PCLO: variants seen among roughly 807,000 people sequenced by gnomAD.
PCLO encodes protein piccolo.
Under a neutral mutation model 427.5 loss-of-function variants are expected in PCLO, and 82 were observed. That is an observed-to-expected ratio of 0.19 (90% CI 0.16 to 0.23). PCLO has a LOEUF of 0.23. PCLO is among the 10% of genes least tolerant of loss of function. The pLI, the probability that PCLO is intolerant of heterozygous loss-of-function variation, is 1.00. For synonymous variants in PCLO, 2,357 were observed against 2,155.4 expected (o/e 1.09, Z -2.59); for missense variants, 6,239 against 6,115.9 (o/e 1.02, Z -0.67).
chr7:82,893,339 T>C (rs1304262949), intron 9 of PCLO, among the ~76,000 whole-genome samples: 5 of 151,772 alleles, frequency 3.3e-5, no homozygotes, highest in African/African-American at 7.3e-5. Flanking sequence ...AACCAAACAC[T>C]GCATGTTCTC....
intron 3 of PCLO, among the ~76,000 whole-genome samples, chr7:83,010,521 T>C (rs1005417670): frequency 1.1e-4 from 17 of 151,404 alleles, no homozygotes; most frequent in African/African-American, 3.6e-4. Context: ...CTCCTAAATA[T>C]TGATTTATAT....
At chr7:83,027,822 A>C (rs1583926486) in intron 3 of PCLO, among the ~76,000 whole-genome samples, 1 of 105,892 alleles carries the variant, frequency 9.4e-6, no homozygotes, top group Admixed American at 9.7e-5. Context: ...CAATAAATGT[A>C]ATCCAGCATA....
chr7:82,783,630 C>T (rs1262441805), intron 22 of PCLO, among the ~76,000 whole-genome samples: 1 of 151,316 alleles, frequency 6.6e-6, no homozygotes, highest in Non-Finnish European at 1.5e-5. Context: ...TCAAAACCAA[C>T]CAACCAAACA....
At position 83,135,533 on chromosome 7, in the gene PCLO, T is replaced by C. The variant is rs752380342; in HGVS notation, c.2017A>G (p.Ser673Gly). The C allele has an allele frequency of 4.3e-6, 7 of 1,613,738 alleles. No individual in the cohort carries two copies. The Admixed American group carries it at 1.0e-4, about 23-fold the overall frequency. Residue 673 changes from serine (S) to glycine (G), a missense_variant, in exon 3 of 25, where the codon AGC becomes GGC. Ser to Gly is a moderately conservative substitution (Grantham distance 56). This residue lies in a region of PCLO where 4,677 missense variants were observed against 4,468.4 expected (regional missense o/e 1.05). Transcript: ENST00000333891. Reference sequence around the variant, plus strand: ...TGCTGTGGCTGTGGGGATGATTTGCTCACTGCTGATGTAGTGGTAACAGGT... The same window carrying C: ...TGCTGTGGCTGTGGGGATGATTTGCCCACTGCTGATGTAGTGGTAACAGGT... The part of the protein sequence containing the change: ...TAPVTTTSAV[S>G]KSSPQPQQTS...
At chr7:83,037,816 T>C (rs1788832439) in intron 3 of PCLO, among the ~76,000 whole-genome samples, 4 of 149,316 alleles carry the variant, frequency 2.7e-5, no homozygotes, top group Admixed American at 2.0e-4. Context: ...AATTCACAAG[T>C]TATAAATCTT....
chr7:82,820,600 A>C, intron 20 of PCLO: 1 of 1,229,274 alleles, frequency 8.1e-7, no homozygotes, highest in Non-Finnish European at 1.0e-6. Flanking sequence ...TGTAGGATCA[A>C]GAGAGAACTT....
In PCLO at chr7:82,951,300, T is replaced by G; in HGVS notation, c.9288A>C (p.Pro3096=). Residue 3096 remains proline, a synonymous_variant, in exon 6 of 25, where the codon CCA becomes CCC. Coordinates refer to ENST00000333891, the MANE Select transcript of PCLO (RefSeq NM_033026.6). ...NGVVYSSVAT[P]TPSTFAITTQ... is the part of the protein sequence containing the mutation. ...TGGTGATAGCAAATGTAGAGGGTGT[T>G]GGAGTTGCTACTGAAGAATAGACAA... 6.2e-7 allele frequency: 1 copy of G among 1,613,162 alleles called. No homozygotes were observed. Among genetic ancestry groups the G allele is most frequent in the South Asian group, 1.1e-5 (1 of 90,862 alleles).
At position 82,781,898 on chromosome 7, in the gene PCLO, C is replaced by T. The variant is rs187569479; in HGVS notation, c.15007+19620G>A. On this transcript the variant is annotated intron_variant, in intron 22 of 24. Transcript: ENST00000333891. Reference sequence around the variant, plus strand: ...TGGAGGTTCCTGGAGGGTGGCATGCCCAGGGTGGGCATGGAAGCTTCTCGC... The same window carrying T: ...TGGAGGTTCCTGGAGGGTGGCATGCTCAGGGTGGGCATGGAAGCTTCTCGC... 6.6e-5 allele frequency among the ~76,000 whole-genome samples: 10 copies of T among 152,294 alleles called. No individual in the cohort carries two copies. In the East Asian group the frequency reaches 1.9e-3, roughly 30 times the overall value.
chr7:82,888,082 AAAAG>A (rs202097517), intron 9 of PCLO, among the ~76,000 whole-genome samples: 1,983 of 151,820 alleles, frequency 0.013, 43 homozygotes, highest in African/African-American at 0.044. Flanking sequence ...AACAAAAAAA[AAAAG>A]AAAGAAAGAA....
rs368036358 is a variant in PCLO at position 82,801,462 on chromosome 7, C to G, written c.15007+56G>C. 105 of 895,570 alleles carry G rather than the reference C, an allele frequency of 1.2e-4. No homozygotes were observed. The African/African-American group carries it at 1.2e-3, about 11-fold the overall frequency. The allele number at this position is 895,570 out of a possible 1,614,324, so 55.5% of individuals were successfully genotyped here. A position where few individuals can be genotyped will look rare whatever the true frequency, so the allele number is the denominator to read the frequency against. ...TGTTAAAAGAAAAACAACTGAAACA[C>G]TTATACTGTAGAATGCAGATTCAGC... On this transcript the variant is annotated intron_variant, in intron 22 of 24. Transcript: ENST00000333891.
At chr7:82,869,131 T>C (rs1793169249) in intron 10 of PCLO, among the ~76,000 whole-genome samples, 1 of 152,122 alleles carries the variant, frequency 6.6e-6, no homozygotes, top group Non-Finnish European at 1.5e-5. Flanking sequence ...ATGATATGTA[T>C]ATAAAAGTTT....
intron 3 of PCLO, among the ~76,000 whole-genome samples, chr7:83,091,573 A>G (rs1274667588): frequency 6.6e-6 from 1 of 152,130 alleles, no homozygotes; most frequent in Non-Finnish European, 1.5e-5. Context: ...TCAACTGCCA[A>G]TTTGTATGAG....
intron 10 of PCLO, among the ~76,000 whole-genome samples, chr7:82,875,091 T>C (rs1398202974): frequency 6.6e-6 from 1 of 152,168 alleles, no homozygotes; most frequent in Admixed American, 6.6e-5. Context: ...TTATTCTCTG[T>C]CCAGTATTTG....
chr7:82,876,455 T>TACACACACACACACACACACAC (rs35270740), intron 10 of PCLO, among the ~76,000 whole-genome samples: 3 of 143,102 alleles, frequency 2.1e-5, no homozygotes, highest in African/African-American at 7.9e-5. Flanking sequence ...AAAACAAGTA[T>TACACACACACACACACACACAC]ACACACACAC....
intron 3 of PCLO, among the ~76,000 whole-genome samples, chr7:83,109,381 A>C (rs1399648248): frequency 6.6e-6 from 1 of 151,968 alleles, no homozygotes; most frequent in Admixed American, 6.6e-5. Context: ...TATGTTCCCC[A>C]CTCTTCATTG....
At chr7:82,794,513 C>T (rs1488525835) in intron 22 of PCLO, among the ~76,000 whole-genome samples, 1 of 79,668 alleles carries the variant, frequency 1.3e-5, no homozygotes, top group African/African-American at 3.7e-5. Context: ...GCTTTGTCAT[C>T]CAGGCTAGAG....
intron 22 of PCLO, among the ~76,000 whole-genome samples, chr7:82,768,773 T>A (rs966714506): frequency 6.6e-6 from 1 of 152,098 alleles, no homozygotes; most frequent in South Asian, 2.1e-4. Flanking sequence ...CTTCTCACTT[T>A]TGAATTTTCT....
intron 3 of PCLO, among the ~76,000 whole-genome samples, chr7:82,985,572 G>C (rs1260933657): frequency 2.6e-5 from 4 of 151,830 alleles, no homozygotes; most frequent in African/African-American, 9.7e-5. Context: ...TTTTCTGCTT[G>C]CTTTCTGTGA....
chr7:83,148,002 A>G (rs1457410848), intron 2 of PCLO, among the ~76,000 whole-genome samples: 2 of 152,134 alleles, frequency 1.3e-5, no homozygotes, highest in African/African-American at 4.8e-5. Context: ...ACATTATACT[A>G]TTATCTGTTT....
Sources: gnomAD v4.1 joint callset for allele counts (sites outside exome capture counted in the v4.1 genomes callset) on GRCh38, gnomAD v4.1.1 for gene constraint, gnomAD v4.1.1 regional missense constraint, MANE v1.5 for transcripts, NCBI Gene and HGNC (gene_info 2026-07-23, HGNC 2026-07-21) for gene names.